SULF1: variants seen among roughly 807,000 people sequenced by gnomAD.
SULF1 encodes extracellular sulfatase Sulf-1.
A neutral mutation model predicts 110.5 loss-of-function variants in SULF1; 46 were observed. That is an observed-to-expected ratio of 0.42 (90% CI 0.33 to 0.53). The LOEUF (loss-of-function observed/expected upper bound fraction) is 0.53. Among genes scored for constraint, SULF1 ranks in the 20% least tolerant of loss-of-function variants. The pLI, the probability that SULF1 is intolerant of heterozygous loss-of-function variation, is 0.12. For missense variants in SULF1, 941 were observed against 1,094.2 expected (o/e 0.86, Z 1.98); for synonymous variants, 371 against 387.1 (o/e 0.96, Z 0.49).
intron 19 of SULF1, among the ~76,000 whole-genome samples, chr8:69,632,079 T>C (rs1810600966): frequency 6.6e-6 from 1 of 152,250 alleles, no homozygotes. Flanking sequence ...CAAGCCACCC[T>C]GTCCAGATCA....
intron 1 of SULF1, among the ~76,000 whole-genome samples, chr8:69,493,408 C>T (rs906402961): frequency 6.6e-6 from 1 of 151,182 alleles, no homozygotes; most frequent in African/African-American, 2.4e-5. Flanking sequence ...CTGGTGATGT[C>T]TGGCTGTTGA....
chr8:69,647,531 C>G (rs543780045), intron 22 of SULF1, among the ~76,000 whole-genome samples: 63 of 152,194 alleles, frequency 4.1e-4, no homozygotes, highest in African/African-American at 1.4e-3. Context: ...AATTTATGGT[C>G]TTCTGGTTGC....
chr8:69,523,042 G>T (rs987131744), intron 3 of SULF1, among the ~76,000 whole-genome samples: 2 of 152,144 alleles, frequency 1.3e-5, no homozygotes, highest in Admixed American at 6.5e-5. Flanking sequence ...ATAACCACCT[G>T]TTTATATGGT....
intron 14 of SULF1, 69 bp downstream of exon 14, chr8:69,621,320 A>AT: frequency 6.9e-6 from 8 of 1,162,612 alleles, no homozygotes; most frequent in Non-Finnish European, 9.6e-6. Context: ...AGAGAGACGA[A>AT]AGGGTTGCTC....
At chr8:69,526,436 T>C (rs1331230165) in intron 3 of SULF1, among the ~76,000 whole-genome samples, 1 of 152,042 alleles carries the variant, frequency 6.6e-6, no homozygotes, top group Admixed American at 6.6e-5. Flanking sequence ...TAAAAAATCT[T>C]CCATTTCAAA....
intron 3 of SULF1, among the ~76,000 whole-genome samples, chr8:69,529,559 C>T (rs952285214): frequency 2.0e-5 from 3 of 152,150 alleles, no homozygotes; most frequent in Admixed American, 1.3e-4. Flanking sequence ...AATGTGGGAG[C>T]GGCTTGGCTG....
intron 5 of SULF1, 117 bp downstream of exon 5, chr8:69,564,264 C>T (rs1815709580): frequency 8.2e-7 from 1 of 1,217,520 alleles, no homozygotes; most frequent in Non-Finnish European, 1.2e-6. Flanking sequence ...TTAACCAACA[C>T]CCTAGTTTAC....
intron 3 of SULF1, among the ~76,000 whole-genome samples, chr8:69,503,764 C>T (rs1392184329): frequency 6.6e-6 from 1 of 152,090 alleles, no homozygotes; most frequent in Admixed American, 6.6e-5. Context: ...CTTAGTTTCT[C>T]TTATGCTATG....
At chr8:69,633,033 A>T (rs1446314557) in intron 19 of SULF1, among the ~76,000 whole-genome samples, 1 of 151,922 alleles carries the variant, frequency 6.6e-6, no homozygotes, top group Non-Finnish European at 1.5e-5. Flanking sequence ...AAAAAAAAAA[A>T]AGAAAAGAAA....
chr8:69,564,587 T>G (rs762835179), intron 5 of SULF1, among the ~76,000 whole-genome samples: 30 of 152,240 alleles, frequency 2.0e-4, no homozygotes, highest in Non-Finnish European at 1.3e-4. Flanking sequence ...ATTCACAGTT[T>G]GTTATAGTAA....
At chr8:69,630,292 C>G (rs1810417277) in intron 19 of SULF1, among the ~76,000 whole-genome samples, 2 of 152,210 alleles carry the variant, frequency 1.3e-5, no homozygotes, top group African/African-American at 4.8e-5. Context: ...ACATTATTCA[C>G]TGAGGCCATA....
At chr8:69,552,873 A>G (rs1421484824) in intron 3 of SULF1, among the ~76,000 whole-genome samples, 3 of 152,264 alleles carry the variant, frequency 2.0e-5, no homozygotes. Context: ...CTAAGCATCT[A>G]GAAGAGAGGG....
chr8:69,540,022 G>A (rs1048835734), intron 3 of SULF1, among the ~76,000 whole-genome samples: 1 of 152,168 alleles, frequency 6.6e-6, no homozygotes, highest in Admixed American at 6.5e-5. Flanking sequence ...CAGTGATCTG[G>A]AAAAGTAATT....
chr8:69,582,292 G>T (rs554347251), intron 6 of SULF1, among the ~76,000 whole-genome samples: 1 of 152,336 alleles, frequency 6.6e-6, no homozygotes, highest in Admixed American at 6.5e-5. Flanking sequence ...AACCTCCGAA[G>T]AGATATTTTC....
intron 16 of SULF1, 121 bp from the exon 17 acceptor site, chr8:69,627,651 T>G (rs1810199572): frequency 1.4e-6 from 1 of 724,740 alleles, no homozygotes. Context: ...GTTTCTATGT[T>G]AAGTATCATC....
At chr8:69,633,526 T>TCC (rs905998197) in intron 19 of SULF1, among the ~76,000 whole-genome samples, 56 of 151,856 alleles carry the variant, frequency 3.7e-4, no homozygotes, top group African/African-American at 1.3e-3. Flanking sequence ...AGACAGGGTT[T>TCC]CCCCATGTTG....
In SULF1 at chr8:69,623,080, T is replaced by G. The variant is rs148882659; in HGVS notation, c.1595-862T>G. On this transcript the variant is annotated intron_variant, in intron 14 of 22. Coordinates refer to ENST00000402687, the MANE Select transcript of SULF1 (RefSeq NM_001128205.2). The stretch of plus-strand genomic sequence containing the variant: ...CATTAAAGTTCTTATCTGGTACACA[T>G]GAGTTCTTGAAAAGGTTCCATAGTC... 6.1e-4 allele frequency among the ~76,000 whole-genome samples: 93 copies of G among 152,332 alleles called. No homozygotes were observed. In the East Asian group the frequency reaches 0.013, roughly 21 times the overall value.
intron 5 of SULF1, among the ~76,000 whole-genome samples, chr8:69,574,494 C>T (rs1805460580): frequency 6.6e-6 from 1 of 152,218 alleles, no homozygotes; most frequent in African/African-American, 2.4e-5. Context: ...CAAGTTCCCT[C>T]TATTTTTATA....
At chr8:69,624,582 G>C (rs1199584898) in intron 15 of SULF1, among the ~76,000 whole-genome samples, 3 of 152,374 alleles carry the variant, frequency 2.0e-5, no homozygotes, top group Non-Finnish European at 4.4e-5. Context: ...GAGGCTGGAA[G>C]TTCTTCCATG....
Sources: allele counts gnomAD v4.1 joint callset (sites outside exome capture counted in the v4.1 genomes callset), GRCh38; gene constraint gnomAD v4.1.1; transcripts MANE v1.5; gene names NCBI Gene and HGNC (gene_info 2026-07-23, HGNC 2026-07-21).